SVOP: variants seen among roughly 807,000 people sequenced by gnomAD.
The protein encoded by SVOP is SV2 related protein.
Under a neutral mutation model 69.1 loss-of-function variants are expected in SVOP, and 17 were observed. That is an observed-to-expected ratio of 0.25 (90% CI 0.17 to 0.37). SVOP has a LOEUF of 0.37. Among genes scored for constraint, SVOP ranks in the 10% least tolerant of loss-of-function variants. SVOP has a pLI of 1.00. For synonymous variants in SVOP, 238 were observed against 238.6 expected (o/e 1.00, Z 0.02); for missense variants, 435 against 597.5 (o/e 0.73, Z 2.84).
chr12:108,936,051 CACAT>C (rs887144686), intron 10 of SVOP, among the ~76,000 whole-genome samples: 10 of 151,972 alleles, frequency 6.6e-5, no homozygotes, highest in African/African-American at 2.4e-4. Context: ...CACACACACA[CACAT>C]GTATTTTTGA....
intron 15 of SVOP, 58 bp downstream of exon 15, chr12:108,915,721 CTGCT>C: frequency 6.6e-7 from 1 of 1,517,090 alleles, no homozygotes; most frequent in Non-Finnish European, 8.9e-7. Context: ...CATGTAGTAA[CTGCT>C]TGCCATGCAT....
chr12:108,928,603 G>C (rs1384474347), intron 11 of SVOP, among the ~76,000 whole-genome samples: 1 of 142,304 alleles, frequency 7.0e-6, no homozygotes, highest in Non-Finnish European at 1.5e-5. Context: ...ACCTCACTCT[G>C]TCACCCAGGC....
intron 6 of SVOP, among the ~76,000 whole-genome samples, chr12:108,948,283 T>G (rs147421594): frequency 8.0e-4 from 122 of 152,312 alleles, no homozygotes; most frequent in Admixed American, 2.7e-3. Flanking sequence ...TCTCAATAAA[T>G]CACTTATAGA....
At chr12:108,967,924 A>G (rs978933987) in intron 5 of SVOP, among the ~76,000 whole-genome samples, 3 of 152,180 alleles carry the variant, frequency 2.0e-5, no homozygotes, top group African/African-American at 7.2e-5. Flanking sequence ...TCTCTTTAAA[A>G]TCTCCTCTGA....
At chr12:108,997,797 A>G (rs953557642) in intron 1 of SVOP, among the ~76,000 whole-genome samples, 9 of 151,810 alleles carry the variant, frequency 5.9e-5, no homozygotes, top group African/African-American at 1.9e-4. Context: ...CATTCACACC[A>G]AAAACCCATC....
intron 6 of SVOP, among the ~76,000 whole-genome samples, chr12:108,957,226 C>T (rs940033831): frequency 3.3e-4 from 51 of 152,252 alleles, no homozygotes; most frequent in African/African-American, 7.7e-4. Context: ...AGCAGTGGCG[C>T]GCTCTCAGCT....
At chr12:108,999,282 C>A (rs1400260701) in intron 1 of SVOP, among the ~76,000 whole-genome samples, 1 of 147,254 alleles carries the variant, frequency 6.8e-6, no homozygotes, top group Non-Finnish European at 1.5e-5. Context: ...TATATATGCA[C>A]CCAATACAGG....
chr12:109,013,460 T>C (rs1343128872), intron 1 of SVOP, among the ~76,000 whole-genome samples: 1 of 151,852 alleles, frequency 6.6e-6, no homozygotes, highest in Non-Finnish European at 1.5e-5. Context: ...GCACGATCTT[T>C]GATTACTGCA....
chr12:108,953,259 C>T (rs2039967492), intron 6 of SVOP, among the ~76,000 whole-genome samples: 1 of 149,706 alleles, frequency 6.7e-6, no homozygotes. Context: ...AGCGATTCTC[C>T]TGCCTCAGCC....
chr12:108,971,388 G>T (rs544074576), intron 5 of SVOP, among the ~76,000 whole-genome samples: 14 of 146,178 alleles, frequency 9.6e-5, no homozygotes, highest in Non-Finnish European at 1.9e-4. Flanking sequence ...AAGATCGTGC[G>T]ATTGCACTCC....
chr12:108,970,416 G>A (rs1247622892), intron 5 of SVOP, among the ~76,000 whole-genome samples: 4 of 152,120 alleles, frequency 2.6e-5, no homozygotes, highest in South Asian at 4.1e-4. Context: ...ATGAGCTAAC[G>A]CATGAACCAT....
chr12:108,935,112 G>A (rs1447487249), intron 10 of SVOP, among the ~76,000 whole-genome samples: 1 of 152,168 alleles, frequency 6.6e-6, no homozygotes, highest in Non-Finnish European at 1.5e-5. Context: ...GGCAATAGGG[G>A]AAAAATGGGA....
At chr12:108,915,653 G>T in intron 15 of SVOP, 130 bp downstream of exon 15, 1 of 886,600 alleles carries the variant, frequency 1.1e-6, no homozygotes, top group Non-Finnish European at 1.6e-6. Context: ...TTCTGTCCTC[G>T]GGTGTGTTGT....
intron 6 of SVOP, among the ~76,000 whole-genome samples, chr12:108,952,297 C>G (rs554662876): frequency 4.7e-5 from 6 of 128,646 alleles, no homozygotes; most frequent in African/African-American, 1.7e-4. Flanking sequence ...TGTAGTGGTA[C>G]GATCTTGGCT....
chr12:108,953,147 TTTTTTC>T lies in SVOP; in HGVS notation c.578+7770_578+7775del, dbSNP rs1181612553. Among the ~76,000 whole-genome samples, 380 of 131,098 alleles carry T rather than the reference TTTTTTC, an allele frequency of 2.9e-3. 2 individuals carry two copies. The highest frequency in any genetic ancestry group is 0.01 in the African/African-American group (359 of 34,650). 86.0% of individuals were successfully genotyped at this position (131,098 alleles called of 152,430 possible). The stretch of plus-strand genomic sequence containing the variant: ...AATGATCTAATTGACTTTTTTTTTT[TTTTTTC>T]TTTTTTTTTTTTGAGACAGAGTTTC... On this transcript the variant is annotated intron_variant, in intron 6 of 15. Coordinates refer to ENST00000610966, the MANE Select transcript of SVOP (RefSeq NM_018711.5).
At chr12:109,009,233 A>T (rs2040327992) in intron 1 of SVOP, among the ~76,000 whole-genome samples, 1 of 151,536 alleles carries the variant, frequency 6.6e-6, no homozygotes, top group Admixed American at 6.6e-5. Flanking sequence ...AAGAGCTGGG[A>T]TTACAGGCAT....
At chr12:109,008,167 C>T (rs1293518501) in intron 1 of SVOP, among the ~76,000 whole-genome samples, 1 of 152,182 alleles carries the variant, frequency 6.6e-6, no homozygotes, top group East Asian at 1.9e-4. Context: ...AACCCATGAT[C>T]TTAACCAGTC....
chr12:108,944,984 A>T, intron 7 of SVOP, 119 bp downstream of exon 7: 1 of 878,048 alleles, frequency 1.1e-6, no homozygotes, highest in Non-Finnish European at 1.7e-6. Context: ...GTCTTTGCAT[A>T]TTGAGTCTGT....
intron 1 of SVOP, among the ~76,000 whole-genome samples, chr12:108,997,410 G>T (rs376558777): frequency 0.98 from 142,045 of 144,446 alleles, 69,835 homozygotes; most frequent in Middle Eastern, 1. Flanking sequence ...GCCCAGGCTT[G>T]CTTAGGTAAA....
Sources: allele counts gnomAD v4.1 joint callset (sites outside exome capture counted in the v4.1 genomes callset), GRCh38; gene constraint gnomAD v4.1.1; transcripts MANE v1.5; gene names NCBI Gene and HGNC (gene_info 2026-07-23, HGNC 2026-07-21).